Variants in PTPRQ observed in about 807,000 individuals in gnomAD.
The protein encoded by PTPRQ is protein tyrosine phosphatase receptor type Q, also known as phosphatidylinositol phosphatase PTPRQ.
PTPRQ carries 199 observed loss-of-function variants against 246.0 expected under a neutral mutation model. The observed-to-expected ratio is 0.81, with a 90% CI of 0.72 to 0.91. The LOEUF (loss-of-function observed/expected upper bound fraction) is 0.91. Ranked by LOEUF, PTPRQ falls within the 40% of genes least tolerant of loss-of-function variation. The pLI, the probability that PTPRQ is intolerant of heterozygous loss-of-function variation, is 0.00. For missense variants in PTPRQ, 2,624 were observed against 2,528.4 expected (o/e 1.04, Z -0.81); for synonymous variants, 869 against 853.2 (o/e 1.02, Z -0.32).
At chr12:80,479,481 T>G (rs1893951898) in intron 8 of PTPRQ, among the ~76,000 whole-genome samples, 1 of 147,806 alleles carries the variant, frequency 6.8e-6, no homozygotes. Context: ...ATGAGCAAAA[T>G]AACCAGCTAA....
chr12:80,612,957 G>A (rs1422563365), intron 28 of PTPRQ, among the ~76,000 whole-genome samples: 1 of 150,504 alleles, frequency 6.6e-6, no homozygotes, highest in Non-Finnish European at 1.5e-5. Flanking sequence ...AGTTATTAGT[G>A]TTGTGAAGAA....
intron 38 of PTPRQ, among the ~76,000 whole-genome samples, chr12:80,657,545 C>T (rs575625856): frequency 6.6e-6 from 1 of 151,660 alleles, no homozygotes; most frequent in South Asian, 2.1e-4. Context: ...ATCTATTCAA[C>T]ATTTTATAAT....
At chr12:80,548,257 G>A (rs1480892553) in intron 24 of PTPRQ, among the ~76,000 whole-genome samples, 1 of 151,258 alleles carries the variant, frequency 6.6e-6, no homozygotes, top group South Asian at 2.1e-4. Flanking sequence ...TTTTTTTGAG[G>A]TTCAAAAAAT....
intron 17 of PTPRQ, 103 bp downstream of exon 17, chr12:80,510,546 C>A (rs7963676): frequency 6.0e-6 from 7 of 1,158,094 alleles, no homozygotes; most frequent in Middle Eastern, 4.3e-4. Context: ...ACATTAGGAA[C>A]CTGATTATTA....
rs1045768794 is a variant in PTPRQ, at chr12:80,506,568, G to A, written c.2456-1G>A. 1.3e-6 allele frequency: 2 copies of A among 1,520,650 alleles called. No individual in the cohort carries two copies. The highest frequency in any genetic ancestry group is 1.8e-6 in the Non-Finnish European group (2 of 1,126,044). The allele number at this position is 1,520,650 out of a possible 1,614,324, so 94.2% of individuals were successfully genotyped here. A position where few individuals can be genotyped will look rare whatever the true frequency, so the allele number is the denominator to read the frequency against. ...AACTTACCTATTTGATTTCTCTTTA[G>A]TACTGAAGAAATATACCCAATATAT... On this transcript the variant is annotated splice_acceptor_variant, in intron 15 of 44. Transcript: ENST00000644991. LOFTEE classifies it high-confidence loss of function.
intron 33 of PTPRQ, among the ~76,000 whole-genome samples, chr12:80,626,283 C>T (rs1592732182): frequency 6.6e-6 from 1 of 151,976 alleles, no homozygotes; most frequent in African/African-American, 2.4e-5. Flanking sequence ...TTCAGGCAGG[C>T]TTGGTATATA....
intron 25 of PTPRQ, among the ~76,000 whole-genome samples, chr12:80,559,832 C>CCCTCT (rs1721405863): frequency 6.6e-6 from 1 of 152,112 alleles, no homozygotes; most frequent in Non-Finnish European, 1.5e-5. Flanking sequence ...CCCTCCCCTC[C>CCCTCT]CCTCTCCTGT....
At chr12:80,668,882 G>A (rs2121280248) in intron 39 of PTPRQ, 125 bp from the exon 40 acceptor site, 2 of 1,257,550 alleles carry the variant, frequency 1.6e-6, no homozygotes, top group African/African-American at 1.5e-5. Context: ...AGATTATCTA[G>A]TATTTACGGT....
At chr12:80,461,418 T>A (rs1893164339) in intron 6 of PTPRQ, among the ~76,000 whole-genome samples, 1 of 152,180 alleles carries the variant, frequency 6.6e-6, no homozygotes, top group Non-Finnish European at 1.5e-5. Flanking sequence ...GGTGCCAGTG[T>A]TAAAATTAAA....
rs1244085288 is a variant in PTPRQ at position 80,444,320 on chromosome 12, T to A, written c.-26T>A. On this transcript the variant is annotated 5_prime_UTR_variant, in exon 1 of 45. Coordinates refer to ENST00000644991, the MANE Select transcript of PTPRQ (RefSeq NM_001145026.2). ...TTCTCTCTAGAGCCATCAATGTGAT[T>A]CTACTGGCTGAAAAATGTAATAAAG... 1 of 1,256,502 alleles carries A rather than the reference T, an allele frequency of 8.0e-7. No homozygotes were observed. Among genetic ancestry groups the A allele is most frequent in the Non-Finnish European group, 1.1e-6 (1 of 881,620 alleles). 77.8% of individuals were successfully genotyped at this position (1,256,502 alleles called of 1,614,324 possible).
chr12:80,469,562 T>A (rs1215040700), intron 7 of PTPRQ, among the ~76,000 whole-genome samples: 4 of 151,766 alleles, frequency 2.6e-5, no homozygotes, highest in Non-Finnish European at 5.9e-5. Context: ...TAAAGCCACA[T>A]ATTATCATTT....
At position 80,529,166 on chromosome 12, in the gene PTPRQ, G is replaced by A. The variant is rs142345331; in HGVS notation, c.2679-4849G>A. Among the ~76,000 whole-genome samples the A allele has an allele frequency of 1.9e-3, 290 of 152,178 alleles. 3 individuals carry two copies. The highest frequency in any genetic ancestry group is 0.014 in the Admixed American group (209 of 15,268). ...AGTAATTATGCTAAAGTACAACATC[G>A]AAGAGTAGTTTCCTTATATAATGGG... On this transcript the variant is annotated intron_variant, in intron 17 of 44. Coordinates refer to ENST00000644991, the MANE Select transcript of PTPRQ (RefSeq NM_001145026.2).
Position 80,541,717 on chromosome 12 carries a change from A to G in PTPRQ, c.3317A>G (p.Tyr1106Cys). 4 of 1,551,418 alleles carry G rather than the reference A, an allele frequency of 2.6e-6. No homozygotes were observed. The highest frequency in any genetic ancestry group is 1.4e-5 in the African/African-American group (1 of 73,166). ...PRHVRPPLVT[Y>C]ERSIYFDNLE... ...CATGTGAGACCACCTCTTGTTACATATGAGAGAAGCATATATTTTGATAAT... is the reference window on the plus strand; with the variant it reads ...CATGTGAGACCACCTCTTGTTACATGTGAGAGAAGCATATATTTTGATAAT... Residue 1106 changes from tyrosine to cysteine, a missense_variant, in exon 21 of 45, where the codon TAT (tyrosine) becomes TGT (cysteine). Tyr to Cys is a radical substitution (Grantham distance 194). Transcript: ENST00000644991.
At chr12:80,534,211 C>A (rs766443657) in intron 18 of PTPRQ, 36 bp downstream of exon 18, 1 of 1,425,116 alleles carries the variant, frequency 7.0e-7, no homozygotes, top group Non-Finnish European at 9.2e-7. Flanking sequence ...AAAGAATGTT[C>A]TTTTTCTTTA....
At chr12:80,598,644 G>T (rs946179367) in intron 26 of PTPRQ, among the ~76,000 whole-genome samples, 1 of 151,920 alleles carries the variant, frequency 6.6e-6, no homozygotes, top group Non-Finnish European at 1.5e-5. Context: ...CCTTCACTTA[G>T]TGATGACAGT....
intron 43 of PTPRQ, among the ~76,000 whole-genome samples, chr12:80,676,794 G>T (rs1365721347): frequency 1.3e-5 from 2 of 152,020 alleles, no homozygotes; most frequent in South Asian, 2.1e-4. Context: ...ACTCATATAG[G>T]GGAAGAAAAA....
At chr12:80,602,118 T>C (rs537879784) in intron 26 of PTPRQ, among the ~76,000 whole-genome samples, 1 of 151,864 alleles carries the variant, frequency 6.6e-6, no homozygotes, top group African/African-American at 2.4e-5. Flanking sequence ...GTTCAGATTA[T>C]TGTACAGTTT....
intron 28 of PTPRQ, among the ~76,000 whole-genome samples, chr12:80,611,306 T>C (rs372676730): frequency 6.6e-6 from 1 of 150,390 alleles, no homozygotes; most frequent in African/African-American, 2.4e-5. Context: ...AGATATATCA[T>C]TGGAAAAAGC....
chr12:80,584,189 T>C (rs928095723), intron 25 of PTPRQ: 2 of 152,096 alleles, frequency 1.3e-5, no homozygotes, highest in Non-Finnish European at 2.9e-5. Flanking sequence ...CAGTGTTTGG[T>C]TGAGTAAGTG....
Sources: gnomAD v4.1 joint callset for allele counts (sites outside exome capture counted in the v4.1 genomes callset) on GRCh38, gnomAD v4.1.1 for gene constraint, MANE v1.5 for transcripts, NCBI Gene and HGNC (gene_info 2026-07-23, HGNC 2026-07-21) for gene names.